Variants in IGSF5 observed in about 807,000 individuals in gnomAD.
IGSF5 encodes immunoglobulin superfamily member 5, also known as immunoglobulin superfamily 5 like.
IGSF5 carries 41 observed loss-of-function variants against 39.4 expected under a neutral mutation model. That is an observed-to-expected ratio of 1.04 (90% CI 0.81 to 1.35). The LOEUF (loss-of-function observed/expected upper bound fraction) is 1.35, where lower values mean the gene tolerates loss of function less well. IGSF5 is among the 40% of genes most tolerant of loss of function. The pLI, the probability that IGSF5 is intolerant of heterozygous loss-of-function variation, is 0.00. For synonymous variants in IGSF5, 183 were observed against 175.3 expected (o/e 1.04, Z -0.34); for missense variants, 487 against 494.6 (o/e 0.98, Z 0.15).
At chr21:39,757,719 G>T (rs547459606) in intron 2 of IGSF5, among the ~76,000 whole-genome samples, 5 of 152,056 alleles carry the variant, frequency 3.3e-5, no homozygotes, top group Admixed American at 3.3e-4. Flanking sequence ...TGGGATTACA[G>T]GTGCATACCA....
intron 8 of IGSF5, among the ~76,000 whole-genome samples, chr21:39,793,885 G>A (rs2086980247): frequency 1.3e-5 from 2 of 152,118 alleles, no homozygotes; most frequent in Non-Finnish European, 1.5e-5. Context: ...GATTTGGGAC[G>A]TATCCGCCTG....
intron 4 of IGSF5, among the ~76,000 whole-genome samples, chr21:39,774,252 G>A (rs1471563350): frequency 2.6e-5 from 4 of 152,336 alleles, no homozygotes; most frequent in African/African-American, 7.2e-5. Context: ...GTGACCAGAC[G>A]AGGCTGTAAG....
At chr21:39,800,211 T>C (rs1279299882) in intron 8 of IGSF5, among the ~76,000 whole-genome samples, 1 of 152,200 alleles carries the variant, frequency 6.6e-6, no homozygotes, top group African/African-American at 2.4e-5. Flanking sequence ...GAATCCTCCT[T>C]TTCCTCTCTT....
At position 39,745,467 on chromosome 21, in the gene IGSF5, G is replaced by A. The variant is rs1215973085; in HGVS notation, c.-43G>A. 4.2e-6 allele frequency: 3 copies of A among 712,584 alleles called. No individual in the cohort carries two copies. The highest frequency in any genetic ancestry group is 1.5e-5 in the South Asian group (1 of 67,528). 44.1% of individuals were successfully genotyped at this position (712,584 alleles called of 1,614,324 possible). On this transcript the variant is annotated 5_prime_UTR_variant, in exon 1 of 9. Coordinates refer to ENST00000380588, the MANE Select transcript of IGSF5 (RefSeq NM_001080444.2). ...TAGATTCAGAGGTAAGGAGAATTTT[G>A]GGGCTATACTTTCAAGAAAGTCGTG...
chr21:39,718,636 T>C, the IGSF5 span, among the ~76,000 whole-genome samples: 1 of 152,270 alleles, frequency 6.6e-6, no homozygotes, highest in Non-Finnish European at 1.5e-5. Context: ...GTTCTATTTA[T>C]GTGATGAATC....
chr21:39,714,546 G>C, the IGSF5 span, among the ~76,000 whole-genome samples: 3 of 152,154 alleles, frequency 2.0e-5, no homozygotes, highest in Non-Finnish European at 4.4e-5. Flanking sequence ...CAGTCCTGGA[G>C]GCCAGAAGCC....
At chr21:39,748,921 T>C (rs2253748) in intron 2 of IGSF5, among the ~76,000 whole-genome samples, 109,346 of 152,122 alleles carry the variant, frequency 0.72, 41,593 homozygotes, top group Non-Finnish European at 0.84. Context: ...ACAAAAAGGA[T>C]ACAAATGAGA....
upstream of IGSF5, among the ~76,000 whole-genome samples, chr21:39,741,705 T>C (rs569357072): frequency 1.3e-5 from 2 of 152,052 alleles, no homozygotes; most frequent in African/African-American, 4.8e-5. Flanking sequence ...AGATGTTGGG[T>C]TTGAAGGATC....
intron 2 of IGSF5, among the ~76,000 whole-genome samples, chr21:39,757,356 C>T (rs2080036483): frequency 2.0e-5 from 1 of 51,080 alleles, no homozygotes; most frequent in African/African-American, 6.3e-5. Flanking sequence ...GTAATAAGCC[C>T]ATGATCTGCA....
rs147428523 is a variant in IGSF5, at chr21:39,792,032, C to G, written c.981C>G (p.Asn327Lys). 6.2e-7 allele frequency: 1 copy of G among 1,609,206 alleles called. No individual in the cohort carries two copies. Among genetic ancestry groups the G allele is most frequent in the Non-Finnish European group, 8.5e-7 (1 of 1,177,614 alleles). Reference sequence around the variant, plus strand: ...GGAAATCTGAAAAAGAGAAGACAAACAAAGAAACTGAGACAGAAAGTGGAA... The same window carrying G: ...GGAAATCTGAAAAAGAGAAGACAAAGAAAGAAACTGAGACAGAAAGTGGAA... ...FQKKSEKEKTNKETETESGNE... is the reference protein window; with the variant it reads ...FQKKSEKEKTKKETETESGNE... The change falls in exon 7 of 9, where the codon AAC (asparagine) becomes AAG (lysine). Residue 327 changes from asparagine (N) to lysine (K), a missense_variant. By Grantham distance (94) the Asn-to-Lys change is moderately conservative. Transcript: ENST00000380588.
chr21:39,737,594 A>G, the IGSF5 span, among the ~76,000 whole-genome samples: 1 of 152,146 alleles, frequency 6.6e-6, no homozygotes, highest in Non-Finnish European at 1.5e-5. Context: ...CCGGCTTATG[A>G]TAAAGGATAT....
intron 8 of IGSF5, among the ~76,000 whole-genome samples, chr21:39,799,247 G>A (rs1045421410): frequency 1.3e-5 from 2 of 152,160 alleles, no homozygotes; most frequent in Admixed American, 6.5e-5. Context: ...ATGTATTTCC[G>A]GAATTCTCTA....
At chr21:39,748,908 A>T (rs8132581) in intron 2 of IGSF5, among the ~76,000 whole-genome samples, 6,262 of 152,264 alleles carry the variant, frequency 0.041, 424 homozygotes, top group African/African-American at 0.14. Flanking sequence ...GTTGCATTGG[A>T]TGACAAAAAG....
intron 2 of IGSF5, among the ~76,000 whole-genome samples, chr21:39,764,310 C>T (rs556570985): frequency 7.2e-5 from 11 of 152,244 alleles, no homozygotes; most frequent in East Asian, 5.8e-4. Flanking sequence ...TCCCCAGAAA[C>T]CTTTAGGGCT....
At chr21:39,789,286 A>G (rs1200773776) in intron 6 of IGSF5, among the ~76,000 whole-genome samples, 1 of 152,226 alleles carries the variant, frequency 6.6e-6, no homozygotes, top group Non-Finnish European at 1.5e-5. Flanking sequence ...AGAGGATAAC[A>G]ACAACTATAG....
chr21:39,737,586 G>A, the IGSF5 span, among the ~76,000 whole-genome samples: 4 of 152,098 alleles, frequency 2.6e-5, no homozygotes, highest in Admixed American at 2.0e-4. Context: ...TATGTTTACC[G>A]GCTTATGATA....
intron 2 of IGSF5, among the ~76,000 whole-genome samples, chr21:39,753,923 T>TA (rs1361135363): frequency 6.6e-6 from 1 of 151,226 alleles, no homozygotes; most frequent in Non-Finnish European, 1.5e-5. Flanking sequence ...GGTTGGTGTT[T>TA]TTTTGTTTTT....
At chr21:39,715,893 G>C in the IGSF5 span, among the ~76,000 whole-genome samples, 2 of 152,106 alleles carry the variant, frequency 1.3e-5, no homozygotes, top group Non-Finnish European at 2.9e-5. Flanking sequence ...GGGTGTGTGT[G>C]GGGGGGTGGC....
At chr21:39,781,904 C>A (rs74770929) in intron 5 of IGSF5, among the ~76,000 whole-genome samples, 1 of 152,074 alleles carries the variant, frequency 6.6e-6, no homozygotes, top group Non-Finnish European at 1.5e-5. Context: ...CCTTTATCTG[C>A]GTTTTGAGTC....
Sources: allele counts gnomAD v4.1 joint callset (sites outside exome capture counted in the v4.1 genomes callset), GRCh38; gene constraint gnomAD v4.1.1; transcripts MANE v1.5; gene names NCBI Gene and HGNC (gene_info 2026-07-23, HGNC 2026-07-21).